Variants in RSF1 observed in about 807,000 individuals in gnomAD.
The protein encoded by RSF1 is HBV pX-associated protein 8.
Under a neutral mutation model 145.2 loss-of-function variants are expected in RSF1, and 13 were observed. The ratio of observed to expected loss-of-function variants is 0.09; its 90% confidence interval spans 0.06 to 0.14. The LOEUF is 0.14. Ranked by LOEUF, RSF1 falls within the 10% of genes least tolerant of loss-of-function variation. The probability of loss-of-function intolerance (pLI) is 1.00; values close to 1 mark genes in which losing one functional copy is unlikely to be tolerated. For synonymous variants in RSF1, 577 were observed against 592.6 expected (o/e 0.97, Z 0.38); for missense variants, 1,517 against 1,718.2 (o/e 0.88, Z 2.07).
At chr11:77,819,314 T>G (rs1030327396) in intron 1 of RSF1, among the ~76,000 whole-genome samples, 2 of 152,050 alleles carry the variant, frequency 1.3e-5, no homozygotes, top group African/African-American at 4.8e-5. Context: ...GCTCAGAGTA[T>G]AACAAAAAAG....
chr11:77,745,657 AT>A (rs1947992119), intron 3 of RSF1, among the ~76,000 whole-genome samples: 1 of 151,298 alleles, frequency 6.6e-6, no homozygotes, highest in East Asian at 1.9e-4. Flanking sequence ...AGGAAGGTAG[AT>A]TTTCATTGAT....
chr11:77,716,844 T>C (rs1465688083), intron 5 of RSF1, among the ~76,000 whole-genome samples: 2 of 152,166 alleles, frequency 1.3e-5, no homozygotes, highest in Admixed American at 6.5e-5. Flanking sequence ...GTTTTAGACA[T>C]TTCACCATAA....
chr11:77,750,242 A>T (rs1019166772), intron 2 of RSF1, among the ~76,000 whole-genome samples: 1 of 152,212 alleles, frequency 6.6e-6, no homozygotes, highest in African/African-American at 2.4e-5. Flanking sequence ...AAACTATTTA[A>T]TCTACACCCG....
At chr11:77,833,124 C>A in the RSF1 span, among the ~76,000 whole-genome samples, 1 of 150,376 alleles carries the variant, frequency 6.6e-6, no homozygotes, top group Non-Finnish European at 1.5e-5. Flanking sequence ...AATTCTCCTG[C>A]CTCGGCTTTG....
chr11:77,802,953 C>T (rs536115660), intron 1 of RSF1, among the ~76,000 whole-genome samples: 30 of 152,198 alleles, frequency 2.0e-4, no homozygotes, highest in Admixed American at 1.6e-3. Flanking sequence ...CAGAGTGAGG[C>T]CTCATCTCTA....
the RSF1 span, among the ~76,000 whole-genome samples, chr11:77,840,433 G>T: frequency 3.3e-5 from 5 of 152,144 alleles, no homozygotes; most frequent in African/African-American, 1.2e-4. Context: ...GGAGGCTGAG[G>T]CAGGATAATC....
At chr11:77,680,642 A>C (rs1170674809) in intron 11 of RSF1, among the ~76,000 whole-genome samples, 6 of 152,186 alleles carry the variant, frequency 3.9e-5, no homozygotes. Flanking sequence ...GGACTCACAA[A>C]TTTCAGATGG....
At chr11:77,770,541 A>T (rs753233154) in intron 1 of RSF1, among the ~76,000 whole-genome samples, 1 of 152,246 alleles carries the variant, frequency 6.6e-6, no homozygotes, top group Non-Finnish European at 1.5e-5. Context: ...GGAAAAAAAT[A>T]AATCCAAGAA....
intron 6 of RSF1, 28 bp downstream of exon 6, chr11:77,700,693 T>C: frequency 6.7e-7 from 1 of 1,495,444 alleles, no homozygotes; most frequent in Non-Finnish European, 8.9e-7. Flanking sequence ...AGACAAATAT[T>C]TTTAATTAAA....
At chr11:77,743,792 G>A (rs1947967742) in intron 3 of RSF1, among the ~76,000 whole-genome samples, 1 of 152,134 alleles carries the variant, frequency 6.6e-6, no homozygotes, top group Non-Finnish European at 1.5e-5. Context: ...TCTTGCTCCT[G>A]ATGTTAAAGG....
rs78766597 is a variant in RSF1 at position 77,729,027 on chromosome 11, G to T, written c.579-3328C>A. Among the ~76,000 whole-genome samples the T allele has an allele frequency of 8.4e-3, 1,283 of 152,248 alleles. 20 individuals are homozygous for T. Among genetic ancestry groups the T allele is most frequent in the African/African-American group, 0.028 (1,174 of 41,526 alleles). ...GGGTAGATGTGGAGTGAGAGAAAAA[G>T]CAGTTACGGATGTGCTCCAAGGTTT... On this transcript the variant is annotated intron_variant, in intron 4 of 15. Coordinates refer to ENST00000308488, the MANE Select transcript of RSF1 (RefSeq NM_016578.4).
chr11:77,699,758 GTCTAT>G (rs1960368605), intron 6 of RSF1, among the ~76,000 whole-genome samples: 1 of 152,170 alleles, frequency 6.6e-6, no homozygotes, highest in Admixed American at 6.5e-5. Flanking sequence ...AATTCTAGGA[GTCTAT>G]TCTAAAGAAA....
At chr11:77,806,759 A>T (rs1160346566) in intron 1 of RSF1, among the ~76,000 whole-genome samples, 1 of 151,624 alleles carries the variant, frequency 6.6e-6, no homozygotes, top group East Asian at 1.9e-4. Flanking sequence ...CTGAGTCATT[A>T]AAAAAACAAA....
intron 1 of RSF1, among the ~76,000 whole-genome samples, chr11:77,791,086 C>T (rs4945213): frequency 0.17 from 26,580 of 152,158 alleles, 2,878 homozygotes; most frequent in African/African-American, 0.29. Context: ...AGCAGAGGTT[C>T]TCCACCCACT....
At chr11:77,837,427 C>T in the RSF1 span, among the ~76,000 whole-genome samples, 337 of 147,694 alleles carry the variant, frequency 2.3e-3, 2 homozygotes, top group African/African-American at 8.2e-3. Flanking sequence ...TAAGCCACTG[C>T]GCCCGTCCCT....
chr11:77,668,139 A>G (rs1413870374), intron 15 of RSF1, among the ~76,000 whole-genome samples: 4 of 151,720 alleles, frequency 2.6e-5, no homozygotes, highest in Non-Finnish European at 5.9e-5. Flanking sequence ...CTGGGATTAC[A>G]GGTGTGTGTG....
the RSF1 span, chr11:77,869,693 A>G: frequency 6.9e-6 from 11 of 1,595,550 alleles, no homozygotes; most frequent in Non-Finnish European, 9.5e-6. Context: ...GAGAGCAGGT[A>G]CCTGTCTACT....
chr11:77,765,212 TTGGTTCCTTTAC>T (rs1320170937), intron 1 of RSF1, among the ~76,000 whole-genome samples: 1 of 152,132 alleles, frequency 6.6e-6, no homozygotes, highest in Non-Finnish European at 1.5e-5. Context: ...TAACAAATAT[TTGGTTCCTTTAC>T]TGAGATTTCA....
intron 1 of RSF1, among the ~76,000 whole-genome samples, chr11:77,812,529 A>T (rs1466107777): frequency 2.0e-5 from 3 of 152,174 alleles, no homozygotes; most frequent in Non-Finnish European, 4.4e-5. Context: ...TCCTTGTTCA[A>T]CTACAGGAGG....
Sources: allele counts gnomAD v4.1 joint callset (sites outside exome capture counted in the v4.1 genomes callset), GRCh38; gene constraint gnomAD v4.1.1; transcripts MANE v1.5; gene names NCBI Gene and HGNC (gene_info 2026-07-23, HGNC 2026-07-21).